Variants in FGF12 observed in about 807,000 individuals in gnomAD.
FGF12 encodes the protein fibroblast growth factor 12.
In FGF12, 14 loss-of-function variants were observed where a neutral mutation model predicts 23.6. That is an observed-to-expected ratio of 0.59 (90% CI 0.39 to 0.93). FGF12 has a LOEUF of 0.93. Ranked by LOEUF, FGF12 falls within the 40% of genes least tolerant of loss-of-function variation. The pLI is 0.00. For synonymous variants in FGF12, 62 were observed against 77.3 expected, an observed-to-expected ratio of 0.80 and a Z score of 1.04; for missense variants, 175 against 217.8, an observed-to-expected ratio of 0.80 and a Z score of 1.24.
At chr3:192,600,736 A>G (rs1193538883) in intron 2 of FGF12, among the ~76,000 whole-genome samples, 2 of 152,106 alleles carry the variant, frequency 1.3e-5, no homozygotes, top group East Asian at 3.9e-4. Context: ...GCAAATCAAA[A>G]CCACAATGAA....
rs535009148 is a variant in FGF12 at position 192,682,679 on chromosome 3, G to A, written c.13+44502C>T. Among the ~76,000 whole-genome samples, 6 of 152,304 alleles carry A rather than the reference G, an allele frequency of 3.9e-5. No individual in the cohort carries two copies. In the East Asian group the frequency reaches 9.6e-4, roughly 24 times the overall value. On this transcript the variant is annotated intron_variant, in intron 2 of 5. Coordinates refer to ENST00000445105, the MANE Select transcript of FGF12 (RefSeq NM_004113.6). ...TTGAAATTTCCCAAATCATCAGAGT[G>A]TCTGTGATTCATGCTGGGCCCATGA...
At chr3:192,365,332 G>C (rs980450491) in intron 2 of FGF12, among the ~76,000 whole-genome samples, 2 of 151,220 alleles carry the variant, frequency 1.3e-5, no homozygotes, top group Non-Finnish European at 2.9e-5. Context: ...GATAAAAGGA[G>C]TCTAAAAAGA....
intron 4 of FGF12, among the ~76,000 whole-genome samples, chr3:192,259,955 G>C (rs1456707071): frequency 6.6e-6 from 1 of 152,138 alleles, no homozygotes; most frequent in Admixed American, 6.6e-5. Context: ...TCTAATGGTT[G>C]AATGTCTTCA....
At chr3:192,352,422 G>T (rs145084074) in intron 3 of FGF12, among the ~76,000 whole-genome samples, 1 of 152,226 alleles carries the variant, frequency 6.6e-6, no homozygotes, top group Non-Finnish European at 1.5e-5. Flanking sequence ...CTGAAGTGAT[G>T]CTGGAAAATG....
intron 4 of FGF12, among the ~76,000 whole-genome samples, chr3:192,213,327 G>T (rs1718031764): frequency 1.3e-5 from 2 of 151,928 alleles, no homozygotes; most frequent in Admixed American, 1.3e-4. Flanking sequence ...AGCTCTGGAT[G>T]AATCAGAATA....
intron 4 of FGF12, among the ~76,000 whole-genome samples, chr3:192,324,040 C>T (rs1184145776): frequency 2.6e-5 from 4 of 151,796 alleles, no homozygotes; most frequent in South Asian, 2.1e-4. Flanking sequence ...TGCAGTGAGC[C>T]GAGATCAAGC....
At chr3:192,585,417 T>C (rs1222713215) in intron 2 of FGF12, among the ~76,000 whole-genome samples, 4 of 152,130 alleles carry the variant, frequency 2.6e-5, no homozygotes, top group South Asian at 2.1e-4. Flanking sequence ...GGGATCTCAG[T>C]AGAGATCATA....
chr3:192,537,967 A>G (rs923691686), intron 2 of FGF12, among the ~76,000 whole-genome samples: 1 of 80,784 alleles, frequency 1.2e-5, no homozygotes, highest in Non-Finnish European at 3.0e-5. Flanking sequence ...TTTTTTTGAG[A>G]TGGAGTTTCA....
intron 2 of FGF12, among the ~76,000 whole-genome samples, chr3:192,571,581 T>C (rs1047718329): frequency 3.3e-5 from 5 of 152,206 alleles, no homozygotes; most frequent in African/African-American, 1.2e-4. Flanking sequence ...TATTAGAAGA[T>C]AACATCTTGA....
intron 2 of FGF12, among the ~76,000 whole-genome samples, chr3:192,725,878 A>C (rs1021512855): frequency 3.3e-5 from 5 of 152,204 alleles, no homozygotes; most frequent in African/African-American, 1.2e-4. Flanking sequence ...TATGCCTCAA[A>C]TATACTTATA....
chr3:192,176,953 A>G (rs998233076), intron 4 of FGF12, among the ~76,000 whole-genome samples: 3 of 152,220 alleles, frequency 2.0e-5, no homozygotes, highest in Non-Finnish European at 2.9e-5. Flanking sequence ...CCATGCTTAC[A>G]TGTTTGATTT....
At chr3:192,421,323 G>A (rs1359503405) in intron 2 of FGF12, among the ~76,000 whole-genome samples, 2 of 151,826 alleles carry the variant, frequency 1.3e-5, no homozygotes, top group Non-Finnish European at 2.9e-5. Context: ...TTTTGGAAGG[G>A]TTCTGGAACC....
intron 4 of FGF12, among the ~76,000 whole-genome samples, chr3:192,187,627 T>G (rs180787081): frequency 3.9e-5 from 6 of 152,202 alleles, no homozygotes; most frequent in Non-Finnish European, 8.8e-5. Flanking sequence ...TAAGATTAAG[T>G]GATAATGCTT....
At chr3:192,487,804 A>C (rs972459100) in intron 2 of FGF12, among the ~76,000 whole-genome samples, 1 of 152,110 alleles carries the variant, frequency 6.6e-6, no homozygotes, top group African/African-American at 2.4e-5. Context: ...CAATTTAGTC[A>C]AATCATGAAA....
chr3:192,199,123 T>C (rs1435798700), intron 4 of FGF12, among the ~76,000 whole-genome samples: 1 of 152,218 alleles, frequency 6.6e-6, no homozygotes, highest in Non-Finnish European at 1.5e-5. Flanking sequence ...CAATGCTAAC[T>C]AAAGTTGCAA....
At chr3:192,402,838 G>T (rs531362920) in intron 2 of FGF12, among the ~76,000 whole-genome samples, 47 of 152,302 alleles carry the variant, frequency 3.1e-4, no homozygotes, top group Non-Finnish European at 5.3e-4. Flanking sequence ...CAGATGCTTA[G>T]GAGGTAGTCT....
At chr3:192,214,474 A>G (rs574437798) in intron 4 of FGF12, among the ~76,000 whole-genome samples, 19 of 152,366 alleles carry the variant, frequency 1.2e-4, no homozygotes, top group African/African-American at 4.6e-4. Flanking sequence ...TGGAATGAGA[A>G]GAGACAAGTG....
chr3:192,413,530 T>C (rs900669555), intron 2 of FGF12, among the ~76,000 whole-genome samples: 1 of 152,208 alleles, frequency 6.6e-6, no homozygotes, highest in Non-Finnish European at 1.5e-5. Flanking sequence ...TATTAAAATC[T>C]CCATTTAAAT....
At chr3:192,581,658 G>A in intron 2 of FGF12, among the ~76,000 whole-genome samples, 1 of 151,808 alleles carries the variant, frequency 6.6e-6, no homozygotes. Context: ...CACTCTTTGT[G>A]GACTTTGAAG....
Sources: gnomAD v4.1 joint callset for allele counts (sites outside exome capture counted in the v4.1 genomes callset) on GRCh38, gnomAD v4.1.1 for gene constraint, MANE v1.5 for transcripts, NCBI Gene and HGNC (gene_info 2026-07-23, HGNC 2026-07-21) for gene names.